Variants in PPP1R12A observed in about 807,000 individuals in gnomAD.
The protein encoded by PPP1R12A is myosin binding subunit.
In PPP1R12A, 19 loss-of-function variants were observed where a neutral mutation model predicts 139.6. The observed-to-expected ratio is 0.14, with a 90% confidence interval of 0.09 to 0.20. The LOEUF (loss-of-function observed/expected upper bound fraction) is 0.20. Ranked by LOEUF, PPP1R12A falls within the 10% of genes least tolerant of loss-of-function variation. The pLI is 1.00. For missense variants in PPP1R12A, 925 were observed against 1,211.5 expected (o/e 0.76, Z 3.51); for synonymous variants, 427 against 420.6 (o/e 1.02, Z -0.19).
rs751071751 is a variant in PPP1R12A, at chr12:79,872,884, T to C, written c.292A>G (p.Asn98Asp). 3.7e-6 allele frequency: 6 copies of C among 1,613,450 alleles called. No individual in the cohort carries two copies. Among genetic ancestry groups the C allele is most frequent in the Non-Finnish European group, 4.2e-6 (5 of 1,179,634 alleles). Residue 98 changes from asparagine to aspartate, a missense_variant, in exon 2 of 25, where the codon AAT (asparagine) becomes GAT (aspartate). Physicochemically the swap from Asn to Asp is conservative, Grantham distance 23. Transcript: ENST00000450142. ...CCTTCATTATCAGGTTGATTAATATTTGCTCCATTTTCTACCAGAAACTTC... is the reference window on the plus strand; with the variant it reads ...CCTTCATTATCAGGTTGATTAATATCTGCTCCATTTTCTACCAGAAACTTC... ...MVKFLVENGA[N>D]INQPDNEGWI... is the part of the protein sequence containing the mutation.
chr12:79,813,654 T>C (rs1418611782), intron 9 of PPP1R12A, among the ~76,000 whole-genome samples: 1 of 152,216 alleles, frequency 6.6e-6, no homozygotes, highest in Non-Finnish European at 1.5e-5. Context: ...TTATATAAAC[T>C]TGTTAGTTAA....
Position 79,842,575 on chromosome 12 carries a change from T to TTGTGTGTGTG in PPP1R12A, c.487+2717_487+2726dup, listed in dbSNP as rs148792533. ...TATAACAAAAATCACATGTGGCACT[T>TTGTGTGTGTG]TGTGTGTGTGTGTGTGTGTGTGTGT... On this transcript the variant is annotated intron_variant, in intron 3 of 24. Coordinates refer to ENST00000450142, the MANE Select transcript of PPP1R12A (RefSeq NM_002480.3). 1.3e-3 allele frequency among the ~76,000 whole-genome samples: 187 copies of TTGTGTGTGTG among 143,934 alleles called. 1 individual carries two copies. The highest frequency in any genetic ancestry group is 3.1e-3 in the African/African-American group (124 of 40,166). 94.4% of individuals were successfully genotyped at this position (143,934 alleles called of 152,430 possible).
At chr12:79,779,277 C>A (rs535318092) in intron 23 of PPP1R12A, 1 of 1,278,764 alleles carries the variant, frequency 7.8e-7, no homozygotes, top group Non-Finnish European at 1.0e-6. Context: ...ATGCAAAAAG[C>A]AAGCAGCAGT....
chr12:79,863,537 C>G lies in PPP1R12A; in HGVS notation c.368+9271G>C, dbSNP rs139329816. ...CACAGACTGGCAAATTGGATAAAGA[C>G]TCAAGACCAATCAGTGTGCTGTATT... On this transcript the variant is annotated intron_variant, in intron 2 of 24. Coordinates refer to ENST00000450142, the MANE Select transcript of PPP1R12A (RefSeq NM_002480.3). Among the ~76,000 whole-genome samples the G allele has an allele frequency of 2.8e-3, 416 of 147,488 alleles. 3 individuals carry two copies. Among genetic ancestry groups the G allele is most frequent in the Middle Eastern group, 0.018 (5 of 282 alleles).
chr12:79,834,289 G>A (rs892998666), intron 3 of PPP1R12A, among the ~76,000 whole-genome samples: 3 of 152,194 alleles, frequency 2.0e-5, no homozygotes, highest in African/African-American at 7.2e-5. Flanking sequence ...GTACCAGTAG[G>A]CTCTGAAGTG....
intron 1 of PPP1R12A, among the ~76,000 whole-genome samples, chr12:79,923,298 A>G (rs1054962252): frequency 3.3e-5 from 5 of 152,160 alleles, no homozygotes; most frequent in Non-Finnish European, 7.4e-5. Flanking sequence ...ATAAATAAAT[A>G]AGATGTACAT....
intron 4 of PPP1R12A, among the ~76,000 whole-genome samples, chr12:79,829,588 T>C (rs1371929985): frequency 6.6e-6 from 1 of 152,094 alleles, no homozygotes; most frequent in Non-Finnish European, 1.5e-5. Context: ...TTTCATATCA[T>C]TGCCTATCAC....
At chr12:79,827,375 A>G (rs1260731386) in intron 5 of PPP1R12A, among the ~76,000 whole-genome samples, 1 of 152,170 alleles carries the variant, frequency 6.6e-6, no homozygotes, top group Non-Finnish European at 1.5e-5. Context: ...AAAAACAGCA[A>G]AAGAATTAGC....
intron 3 of PPP1R12A, among the ~76,000 whole-genome samples, chr12:79,839,683 TGAA>T (rs1414638072): frequency 6.6e-6 from 1 of 152,174 alleles, no homozygotes; most frequent in East Asian, 1.9e-4. Context: ...TGCCACCGTG[TGAA>T]GAAGGATATG....
intron 3 of PPP1R12A, 127 bp from the exon 4 acceptor site, chr12:79,832,618 C>T: frequency 1.0e-6 from 1 of 953,226 alleles, no homozygotes; most frequent in Non-Finnish European, 1.5e-6. Context: ...TTAAAATGGG[C>T]TGCTTATAAC....
intron 1 of PPP1R12A, among the ~76,000 whole-genome samples, chr12:79,909,207 T>C (rs1287022850): frequency 6.6e-6 from 1 of 152,186 alleles, no homozygotes; most frequent in African/African-American, 2.4e-5. Context: ...TCTTCACAGG[T>C]CTAATGGAAT....
At chr12:79,814,501 G>A (rs2463103) in intron 9 of PPP1R12A, among the ~76,000 whole-genome samples, 59,878 of 62,422 alleles carry the variant, frequency 0.96, 28,697 homozygotes, top group East Asian at 0.98. Flanking sequence ...AAAAAAAAAA[G>A]GACTCCCCCT....
chr12:79,874,073 C>T (rs747459278), intron 1 of PPP1R12A, among the ~76,000 whole-genome samples: 3 of 152,044 alleles, frequency 2.0e-5, no homozygotes, highest in African/African-American at 7.2e-5. Flanking sequence ...GTCAGGAGTT[C>T]GAGACCATCC....
intron 3 of PPP1R12A, among the ~76,000 whole-genome samples, chr12:79,833,200 G>T (rs953964480): frequency 1.3e-4 from 20 of 152,142 alleles, no homozygotes; most frequent in African/African-American, 4.8e-4. Flanking sequence ...GAGCCAGGAG[G>T]TCAAGGCTGC....
At chr12:79,828,907 TAC>T (rs879293617) in intron 4 of PPP1R12A, among the ~76,000 whole-genome samples, 19 of 152,242 alleles carry the variant, frequency 1.2e-4, no homozygotes, top group Admixed American at 1.2e-3. Context: ...GTTCTAAGAA[TAC>T]ACTGGAATCA....
chr12:79,802,642 G>C (rs1468819757), intron 14 of PPP1R12A, among the ~76,000 whole-genome samples: 1 of 152,036 alleles, frequency 6.6e-6, no homozygotes, highest in Non-Finnish European at 1.5e-5. Context: ...AATTAGCTGG[G>C]TGTGATGGCA....
intron 1 of PPP1R12A, among the ~76,000 whole-genome samples, chr12:79,903,168 T>C (rs377490351): frequency 5.3e-5 from 8 of 152,204 alleles, no homozygotes; most frequent in African/African-American, 1.7e-4. Flanking sequence ...AAACATCATA[T>C]AGGCCGGGCG....
intron 17 of PPP1R12A, 100 bp downstream of exon 17, chr12:79,796,682 T>C: frequency 1.0e-6 from 1 of 952,652 alleles, no homozygotes; most frequent in East Asian, 2.8e-5. Context: ...AATCACAAGT[T>C]AGGATGCTGT....
chr12:79,935,189 A>T (rs748583305), upstream of PPP1R12A: 4 of 1,311,380 alleles, frequency 3.1e-6, no homozygotes, highest in Non-Finnish European at 3.9e-6. Context: ...GGCCAATCTA[A>T]CGTAACTTCG....
Sources: gnomAD v4.1 joint callset for allele counts (sites outside exome capture counted in the v4.1 genomes callset) on GRCh38, gnomAD v4.1.1 for gene constraint, MANE v1.5 for transcripts, NCBI Gene and HGNC (gene_info 2026-07-23, HGNC 2026-07-21) for gene names.